Variants in FOXN3 observed in about 807,000 individuals in gnomAD.
FOXN3 encodes the protein forkhead box N3.
Under a neutral mutation model 38.4 loss-of-function variants are expected in FOXN3, and 7 were observed. That is an observed-to-expected ratio of 0.18 (90% CI 0.10 to 0.34). The LOEUF (loss-of-function observed/expected upper bound fraction) is 0.34. Among genes scored for constraint, FOXN3 ranks in the 10% least tolerant of loss-of-function variants. FOXN3 has a pLI of 1.00. For synonymous variants in FOXN3, 230 were observed against 242.2 expected (o/e 0.95, Z 0.47); for missense variants, 456 against 613.4 (o/e 0.74, Z 2.71).
intron 1 of FOXN3, among the ~76,000 whole-genome samples, chr14:89,479,620 T>C (rs1316806916): frequency 6.6e-6 from 1 of 152,156 alleles, no homozygotes; most frequent in East Asian, 1.9e-4. Flanking sequence ...TACAAACTCT[T>C]ACCTACCTCA....
intron 1 of FOXN3, among the ~76,000 whole-genome samples, chr14:89,521,661 T>A (rs1894321483): frequency 6.6e-6 from 1 of 152,020 alleles, no homozygotes; most frequent in Admixed American, 6.6e-5. Flanking sequence ...TTTAAGAAAC[T>A]CAGTAAACAC....
intron 1 of FOXN3, among the ~76,000 whole-genome samples, chr14:89,481,967 C>T (rs1893341056): frequency 6.6e-6 from 1 of 152,136 alleles, no homozygotes; most frequent in African/African-American, 2.4e-5. Context: ...CATACTGGGA[C>T]TTGTGTGACC....
chr14:89,557,858 T>C (rs1310729236), intron 1 of FOXN3, among the ~76,000 whole-genome samples: 2 of 152,074 alleles, frequency 1.3e-5, no homozygotes, highest in Admixed American at 1.3e-4. Flanking sequence ...ATACAAAAAT[T>C]AGCTGGGCAT....
intron 1 of FOXN3, among the ~76,000 whole-genome samples, chr14:89,508,785 C>T (rs1369313534): frequency 6.6e-6 from 1 of 152,144 alleles, no homozygotes; most frequent in Non-Finnish European, 1.5e-5. Flanking sequence ...TGAGATTCTG[C>T]ATTTTTAACA....
chr14:89,292,959 C>T (rs1886921736), intron 3 of FOXN3, among the ~76,000 whole-genome samples: 1 of 152,232 alleles, frequency 6.6e-6, no homozygotes, highest in Non-Finnish European at 1.5e-5. Flanking sequence ...ACAAAACACC[C>T]TCCTGGCCTG....
intron 3 of FOXN3, among the ~76,000 whole-genome samples, chr14:89,342,510 T>G (rs1188169334): frequency 6.6e-6 from 1 of 152,254 alleles, no homozygotes; most frequent in Non-Finnish European, 1.5e-5. Flanking sequence ...AATAAAATTA[T>G]AGCCAACTAA....
intron 1 of FOXN3, among the ~76,000 whole-genome samples, chr14:89,497,565 C>T (rs1183141312): frequency 6.6e-6 from 1 of 151,868 alleles, no homozygotes; most frequent in East Asian, 1.9e-4. Context: ...CACCACCATG[C>T]CCGGCTAATT....
chr14:89,389,484 T>C (rs1291678502), intron 2 of FOXN3, among the ~76,000 whole-genome samples: 1 of 152,196 alleles, frequency 6.6e-6, no homozygotes, highest in Non-Finnish European at 1.5e-5. Flanking sequence ...ATTTCCCTCT[T>C]TCTCAATTGA....
chr14:89,554,935 C>G (rs991282445), intron 1 of FOXN3, among the ~76,000 whole-genome samples: 1 of 151,756 alleles, frequency 6.6e-6, no homozygotes, highest in Non-Finnish European at 1.5e-5. Context: ...ATTACAGGCA[C>G]CCAGCACCAT....
chr14:89,424,315 A>C (rs1286441258), intron 1 of FOXN3, among the ~76,000 whole-genome samples: 2 of 152,192 alleles, frequency 1.3e-5, no homozygotes, highest in Non-Finnish European at 2.9e-5. Flanking sequence ...TTAGGGGAAA[A>C]TGAATATGTT....
intron 1 of FOXN3, among the ~76,000 whole-genome samples, chr14:89,591,219 C>G (rs2139926038): frequency 6.6e-6 from 1 of 152,290 alleles, no homozygotes; most frequent in African/African-American, 2.4e-5. Context: ...TCTTCATATT[C>G]TCAACCCTGG....
upstream of FOXN3, among the ~76,000 whole-genome samples, chr14:89,421,010 A>G (rs1891889724): frequency 6.6e-6 from 1 of 152,052 alleles, no homozygotes; most frequent in Non-Finnish European, 1.5e-5. Flanking sequence ...TTCATACAAA[A>G]CAGAATGAAG....
intron 1 of FOXN3, among the ~76,000 whole-genome samples, chr14:89,440,813 A>G (rs1035614821): frequency 2.0e-5 from 3 of 152,224 alleles, no homozygotes; most frequent in Admixed American, 2.0e-4. Flanking sequence ...AGTACACTGC[A>G]AAGCAGTGCG....
chr14:89,227,563 G>A (rs938533511), intron 4 of FOXN3, among the ~76,000 whole-genome samples: 12 of 152,118 alleles, frequency 7.9e-5, no homozygotes, highest in South Asian at 2.1e-4. Context: ...CTAGACCAGC[G>A]GTTCTTCTGA....
intron 1 of FOXN3, among the ~76,000 whole-genome samples, chr14:89,445,332 G>A (rs1195873080): frequency 3.3e-5 from 5 of 152,102 alleles, no homozygotes; most frequent in Admixed American, 2.6e-4. Context: ...ACAGTGTTGG[G>A]CACTTGTGTA....
At chr14:89,331,309 G>T (rs1164880061) in intron 3 of FOXN3, among the ~76,000 whole-genome samples, 1 of 152,106 alleles carries the variant, frequency 6.6e-6, no homozygotes, top group Non-Finnish European at 1.5e-5. Flanking sequence ...TATGATATTT[G>T]TCCTTTTGTA....
In FOXN3 at chr14:89,314,334, A is replaced by G. The variant is rs548532910; in HGVS notation, c.681-33320T>C. ...TACAAAACGATAAATATTTTACTACACTAGGCTGGTAATCTAAGTCATTCA... is the reference window on the plus strand; with the variant it reads ...TACAAAACGATAAATATTTTACTACGCTAGGCTGGTAATCTAAGTCATTCA... On this transcript the variant is annotated intron_variant, in intron 3 of 5. Transcript: ENST00000557258. Among the ~76,000 whole-genome samples the G allele has an allele frequency of 6.6e-5, 10 of 152,328 alleles. No homozygotes were observed. In the East Asian group the frequency reaches 1.9e-3, roughly 29 times the overall value.
At chr14:89,516,400 G>T (rs999698819) in intron 1 of FOXN3, among the ~76,000 whole-genome samples, 4 of 152,070 alleles carry the variant, frequency 2.6e-5, no homozygotes, top group African/African-American at 9.7e-5. Context: ...ATGAACACAC[G>T]TGGTATTCTA....
At chr14:89,421,819 G>A (rs144867912), upstream of FOXN3, among the ~76,000 whole-genome samples, 36 of 152,054 alleles carry the variant, frequency 2.4e-4, no homozygotes, top group East Asian at 5.0e-3. Flanking sequence ...GCGAGCCACC[G>A]TGCTGGGCCC....
Sources: gnomAD v4.1 joint callset for allele counts (sites outside exome capture counted in the v4.1 genomes callset) on GRCh38, gnomAD v4.1.1 for gene constraint, MANE v1.5 for transcripts, NCBI Gene and HGNC (gene_info 2026-07-23, HGNC 2026-07-21) for gene names.